Variants in PFKP observed in about 807,000 individuals in gnomAD.
PFKP encodes the protein phosphofructokinase, platelet.
A neutral mutation model predicts 94.3 loss-of-function variants in PFKP; 101 were observed. The ratio of observed to expected loss-of-function variants is 1.07; its 90% CI spans 0.91 to 1.26. The LOEUF (loss-of-function observed/expected upper bound fraction) is 1.26, where lower values mean the gene tolerates loss of function less well. Ranked by LOEUF, PFKP falls within the 50% of genes most tolerant of loss-of-function variation. PFKP has a pLI of 0.00. For missense variants in PFKP, 1,145 were observed against 1,103.3 expected (o/e 1.04, Z -0.53); for synonymous variants, 573 against 432.6 (o/e 1.32, Z -4.03).
At chr10:3,135,713 A>T in intron 20 of PFKP, 23 bp from the exon 21 acceptor site, 1 of 1,461,974 alleles carries the variant, frequency 6.8e-7, no homozygotes, top group South Asian at 1.1e-5. Context: ...GGTGTTATTA[A>T]TCTTTTTTAA....
chr10:3,105,316 C>T (rs4881082), intron 6 of PFKP, 77 bp from the exon 7 acceptor site: 959,018 of 1,361,384 alleles, frequency 0.7, 341,215 homozygotes, highest in Non-Finnish European at 0.73. Flanking sequence ...GCACGTCTGT[C>T]GCTGAGCGGG....
At chr10:3,075,364 T>C (rs74113307) in intron 1 of PFKP, among the ~76,000 whole-genome samples, 102 of 151,938 alleles carry the variant, frequency 6.7e-4, no homozygotes, top group African/African-American at 2.4e-3. Context: ...AATAAGGAGC[T>C]TTGTGCTGGT....
Position 3,134,536 on chromosome 10 carries a change from A to C in PFKP, c.2076A>C (p.Arg692Ser). ...ACTTTGGAACCAAAATCTCTGCCAGAGCTATGGAGTGGATCACTGCAAAAC... is the reference window on the plus strand; with the variant it reads ...ACTTTGGAACCAAAATCTCTGCCAGCGCTATGGAGTGGATCACTGCAAAAC... Reference protein sequence around the residue: ...DRNFGTKISARAMEWITAKLK... With the variant: ...DRNFGTKISASAMEWITAKLK... The change falls in exon 20 of 22, where the codon AGA becomes AGC. Residue 692 changes from arginine to serine, a missense_variant. Arg to Ser is a moderately radical substitution (Grantham distance 110). This residue lies in a region of PFKP where 1,119 missense variants were observed against 1,062.8 expected (regional missense o/e 1.05). Coordinates refer to ENST00000381125, the MANE Select transcript of PFKP (RefSeq NM_002627.5). 1 of 1,614,068 alleles carries C rather than the reference A, an allele frequency of 6.2e-7. No individual in the cohort carries two copies. Among genetic ancestry groups the C allele is most frequent in the Non-Finnish European group, 8.5e-7 (1 of 1,179,958 alleles).
chr10:3,135,242 C>T (rs114184987), intron 20 of PFKP, among the ~76,000 whole-genome samples: 2,224 of 151,988 alleles, frequency 0.015, 51 homozygotes, highest in African/African-American at 0.049. Flanking sequence ...GCTTTTATTC[C>T]GGCAAACCAC....
rs35828349 is a variant in PFKP at position 3,133,272 on chromosome 10, C to G, written c.1980C>G (p.Gly660=). 6.2e-7 allele frequency: 1 copy of G among 1,613,936 alleles called. No individual in the cohort carries two copies. Among genetic ancestry groups the G allele is most frequent in the South Asian group, 1.1e-5 (1 of 91,078 alleles). ...IYQLYSEEGK[G]VFDCRKNVLG... ...AGCTGTATTCAGAAGAGGGCAAAGGCGTGTTTGACTGCAGGAAGAACGTGC... is the reference window on the plus strand; with the variant it reads ...AGCTGTATTCAGAAGAGGGCAAAGGGGTGTTTGACTGCAGGAAGAACGTGC... Residue 660 remains glycine, a synonymous_variant, in exon 19 of 22, where the codon GGC becomes GGG. Coordinates refer to ENST00000381125, the MANE Select transcript of PFKP (RefSeq NM_002627.5).
intron 2 of PFKP, among the ~76,000 whole-genome samples, chr10:3,098,672 CAAAA>C (rs5782682): frequency 1.1e-4 from 12 of 107,176 alleles, no homozygotes; most frequent in Admixed American, 2.1e-4. Flanking sequence ...GACTCCGTCT[CAAAA>C]AAAAAAAAAA....
intron 2 of PFKP, among the ~76,000 whole-genome samples, chr10:3,089,977 G>A (rs1833920126): frequency 1.3e-5 from 2 of 152,058 alleles, no homozygotes; most frequent in South Asian, 2.1e-4. Flanking sequence ...AAGCTTAAAT[G>A]TATGAGTAAG....
chr10:3,079,852 G>T (rs1832909116), intron 1 of PFKP, among the ~76,000 whole-genome samples: 1 of 152,184 alleles, frequency 6.6e-6, no homozygotes, highest in African/African-American at 2.4e-5. Flanking sequence ...TCCAGGCACT[G>T]CTGAGCCCAG....
intron 2 of PFKP, among the ~76,000 whole-genome samples, chr10:3,087,984 C>CTTTTTTTTTTTTTTTTTTTTTTTTT: frequency 1.0e-5 from 1 of 96,622 alleles, no homozygotes; most frequent in Non-Finnish European, 2.0e-5. Flanking sequence ...ATCTTTCATT[C>CTTTTTTTTTTTTTTTTTTTTTTTTT]TTTTTTTTTT....
At chr10:3,072,174 T>C (rs1832246757) in intron 1 of PFKP, among the ~76,000 whole-genome samples, 1 of 152,240 alleles carries the variant, frequency 6.6e-6, no homozygotes, top group Non-Finnish European at 1.5e-5. Context: ...TTCAACCCTC[T>C]CTAATTAAAA....
intron 10 of PFKP, among the ~76,000 whole-genome samples, chr10:3,110,729 T>C (rs940953665): frequency 6.6e-6 from 1 of 152,180 alleles, no homozygotes; most frequent in Non-Finnish European, 1.5e-5. Flanking sequence ...TGTATGTATA[T>C]GTGTGTGCAT....
At chr10:3,084,856 C>A (rs1833390873) in intron 2 of PFKP, among the ~76,000 whole-genome samples, 4 of 146,526 alleles carry the variant, frequency 2.7e-5, no homozygotes, top group Non-Finnish European at 4.5e-5. Flanking sequence ...ACCCCCTCCC[C>A]AGCACGGTCC....
chr10:3,069,206 G>A, intron 1 of PFKP: 1 of 1,284,684 alleles, frequency 7.8e-7, no homozygotes. Flanking sequence ...GCCCTGCAGC[G>A]CCCCCGGGAA....
chr10:3,078,424 G>T (rs1206432188), intron 1 of PFKP, among the ~76,000 whole-genome samples: 2 of 152,130 alleles, frequency 1.3e-5, no homozygotes, highest in Non-Finnish European at 2.9e-5. Flanking sequence ...ATCTTGCAGG[G>T]CCCAGCAGGA....
chr10:3,115,803 G>C (rs919228322), intron 13 of PFKP, among the ~76,000 whole-genome samples: 3 of 152,190 alleles, frequency 2.0e-5, no homozygotes. Context: ...ATTGTTAAGA[G>C]TAGGGTGGGA....
chr10:3,128,128 T>TG (rs1838157291), intron 16 of PFKP, among the ~76,000 whole-genome samples: 1 of 152,154 alleles, frequency 6.6e-6, no homozygotes, highest in African/African-American at 2.4e-5. Context: ...GGGAATACCA[T>TG]GCTTATGTCA....
In PFKP at chr10:3,110,358, C is replaced by T. The variant is rs1417319402; in HGVS notation, c.1089+878C>T. ...GGACTACAGGTGCCCACCACCACGCCTGGCTAATTTTTTTTTTTTTTTTTT... is the reference window on the plus strand; with the variant it reads ...GGACTACAGGTGCCCACCACCACGCTTGGCTAATTTTTTTTTTTTTTTTTT... On this transcript the variant is annotated intron_variant, in intron 10 of 21. Transcript: ENST00000381125. 3.6e-5 allele frequency among the ~76,000 whole-genome samples: 5 copies of T among 137,998 alleles called. No individual in the cohort carries two copies. In the Admixed American group the frequency reaches 3.8e-4, roughly 11 times the overall value. 90.5% of individuals were successfully genotyped at this position (137,998 alleles called of 152,430 possible).
At chr10:3,126,607 C>A (rs1201644423) in intron 16 of PFKP, among the ~76,000 whole-genome samples, 2 of 152,220 alleles carry the variant, frequency 1.3e-5, no homozygotes, top group Admixed American at 6.5e-5. Flanking sequence ...GGCTCGGCTG[C>A]CGTGAGGGAT....
At chr10:3,080,302 G>A (rs897710359) in intron 1 of PFKP, among the ~76,000 whole-genome samples, 4 of 152,146 alleles carry the variant, frequency 2.6e-5, no homozygotes, top group East Asian at 1.9e-4. Context: ...TGGATCACAA[G>A]GTCAGGAGAT....
Sources: allele counts gnomAD v4.1 joint callset (sites outside exome capture counted in the v4.1 genomes callset), GRCh38; gene constraint gnomAD v4.1.1; regional missense constraint gnomAD v4.1.1; transcripts MANE v1.5; gene names NCBI Gene and HGNC (gene_info 2026-07-23, HGNC 2026-07-21).